Variants in PROS1 observed in about 807,000 individuals in gnomAD.
PROS1 encodes the protein protein S.
In PROS1, 29 loss-of-function variants were observed where a neutral mutation model predicts 75.9. The ratio of observed to expected loss-of-function variants is 0.38; its 90% CI spans 0.28 to 0.52. The LOEUF (loss-of-function observed/expected upper bound fraction) is 0.52. Ranked by LOEUF, PROS1 falls within the 20% of genes least tolerant of loss-of-function variation. The pLI, the probability that PROS1 is intolerant of heterozygous loss-of-function variation, is 0.83. For missense variants in PROS1, 680 were observed against 810.3 expected, an observed-to-expected ratio of 0.84 and a Z score of 1.95; for synonymous variants, 245 against 280.6, an observed-to-expected ratio of 0.87 and a Z score of 1.27.
intron 1 of PROS1, among the ~76,000 whole-genome samples, chr3:93,941,539 C>T (rs1709288256): frequency 6.6e-6 from 1 of 152,168 alleles, no homozygotes; most frequent in Non-Finnish European, 1.5e-5. Flanking sequence ...ATTTAGCTGA[C>T]CCCATAGATC....
rs190800072 is a variant in PROS1, at chr3:93,888,509, T to C, written c.1156-2006A>G. Among the ~76,000 whole-genome samples, 173 of 152,354 alleles carry C rather than the reference T, an allele frequency of 1.1e-3. 1 individual carries two copies. The highest frequency in any genetic ancestry group is 1.0e-4 in the Non-Finnish European group (7 of 68,028). On this transcript the variant is annotated intron_variant, in intron 10 of 14. Transcript: ENST00000394236. ...TTTATATTACTGATACATTTCATTA[T>C]AGAATAGTAAAGGAGCATTATATAT...
At chr3:93,947,209 T>A (rs1460828208) in intron 1 of PROS1, among the ~76,000 whole-genome samples, 1 of 152,172 alleles carries the variant, frequency 6.6e-6, no homozygotes, top group African/African-American at 2.4e-5. Flanking sequence ...AGGAACACTT[T>A]TACTCTGTTG....
At chr3:93,968,496 G>C (rs1476837141) in intron 1 of PROS1, among the ~76,000 whole-genome samples, 1 of 152,140 alleles carries the variant, frequency 6.6e-6, no homozygotes, top group African/African-American at 2.4e-5. Flanking sequence ...ACTTTCTGTT[G>C]TTTAAACCAC....
At chr3:93,874,911 C>G (rs1449400608) in intron 14 of PROS1, among the ~76,000 whole-genome samples, 3 of 152,032 alleles carry the variant, frequency 2.0e-5, no homozygotes, top group African/African-American at 7.2e-5. Flanking sequence ...TACAATAGGT[C>G]ATGATACAGG....
In PROS1 at chr3:93,893,032, A is replaced by C. The variant is rs199797185; in HGVS notation, c.1056T>G (p.Ile352Met). 3 of 1,614,000 alleles carry C rather than the reference A, an allele frequency of 1.9e-6. No individual in the cohort carries two copies. The African/African-American group carries it at 4.0e-5, about 22-fold the overall frequency. ...ESIDHSAWLL[I>M]ALRGGKIEVQ... Reference sequence around the variant, plus strand: ...CTTCAATCTTTCCACCACGAAGTGCAATCAGGAGCCACGCTGAGTGATCGA... The same window carrying C: ...CTTCAATCTTTCCACCACGAAGTGCCATCAGGAGCCACGCTGAGTGATCGA... The change falls in exon 10 of 15, where the codon ATT (isoleucine) becomes ATG (methionine). Residue 352 changes from isoleucine (I) to methionine (M), a missense_variant. Ile to Met is a conservative substitution (Grantham distance 10). Transcript: ENST00000394236.
chr3:93,901,225 T>G (rs1559934046), intron 6 of PROS1, among the ~76,000 whole-genome samples: 1 of 152,208 alleles, frequency 6.6e-6, no homozygotes, highest in African/African-American at 2.4e-5. Flanking sequence ...CGAAAATAAA[T>G]GGAGGTCTTG....
chr3:93,948,055 G>T (rs548914758), intron 1 of PROS1, among the ~76,000 whole-genome samples: 12 of 152,200 alleles, frequency 7.9e-5, no homozygotes, highest in Admixed American at 2.0e-4. Flanking sequence ...AAAAGCAAAA[G>T]AACCCATGCC....
At position 93,972,138 on chromosome 3, in the gene PROS1, TATG is replaced by T. The variant is rs1709890592; in HGVS notation, c.76+1533_76+1535del. On this transcript the variant is annotated intron_variant, in intron 1 of 14. Transcript: ENST00000394236. Reference sequence around the variant, plus strand: ...AAAGAGAAAAAGCCTAGCAAATTTCTATGATGACAAGGAGTTAAGTGTGGCAAG... The same window carrying T: ...AAAGAGAAAAAGCCTAGCAAATTTCTATGACAAGGAGTTAAGTGTGGCAAG... Among the ~76,000 whole-genome samples, 2 of 152,212 alleles carry T rather than the reference TATG, an allele frequency of 1.3e-5. 1 individual carries two copies. Among genetic ancestry groups the T allele is most frequent in the South Asian group, 4.1e-4 (2 of 4,832 alleles).
intron 10 of PROS1, among the ~76,000 whole-genome samples, chr3:93,890,689 A>C (rs962033053): frequency 6.6e-6 from 1 of 152,222 alleles, no homozygotes; most frequent in African/African-American, 2.4e-5. Flanking sequence ...TATAGTTCTA[A>C]TGCCTTGAAC....
intron 3 of PROS1, chr3:93,911,053 C>T (rs986558918): frequency 3.4e-5 from 10 of 291,918 alleles, no homozygotes; most frequent in African/African-American, 1.8e-4. Flanking sequence ...ATGTTGCCCT[C>T]AAATCTACTG....
intron 1 of PROS1, among the ~76,000 whole-genome samples, chr3:93,953,220 AT>A (rs1709535684): frequency 6.6e-6 from 1 of 152,216 alleles, no homozygotes; most frequent in African/African-American, 2.4e-5. Context: ...TCCCTAACTC[AT>A]TTTATGAGGC....
chr3:93,889,988 G>A (rs1455366108), intron 10 of PROS1, among the ~76,000 whole-genome samples: 12 of 152,068 alleles, frequency 7.9e-5, no homozygotes, highest in East Asian at 1.9e-4. Context: ...GCCTACAAAC[G>A]GACCTGCAAG....
intron 3 of PROS1, among the ~76,000 whole-genome samples, chr3:93,922,954 G>A (rs115692683): frequency 4.5e-4 from 68 of 152,256 alleles, no homozygotes; most frequent in African/African-American, 1.4e-3. Context: ...ATTTATGTAC[G>A]TTGACATATT....
chr3:93,956,620 T>C lies in PROS1; in HGVS notation c.76+17054A>G, dbSNP rs1193178255. On this transcript the variant is annotated intron_variant, in intron 1 of 14. Transcript: ENST00000394236. Reference sequence around the variant, plus strand: ...CAGAATTCTTTCAAGCCTCACAAGATAGTGGATACACAAGGGTACATTAAC... The same window carrying C: ...CAGAATTCTTTCAAGCCTCACAAGACAGTGGATACACAAGGGTACATTAAC... 3.3e-5 allele frequency among the ~76,000 whole-genome samples: 5 copies of C among 149,742 alleles called. No homozygotes were observed. The East Asian group carries it at 9.9e-4, about 30-fold the overall frequency.
intron 1 of PROS1, among the ~76,000 whole-genome samples, chr3:93,946,293 C>T (rs1249009697): frequency 3.3e-5 from 5 of 152,056 alleles, no homozygotes; most frequent in African/African-American, 1.2e-4. Flanking sequence ...TTCACAGAAT[C>T]AGAAGAAACT....
chr3:93,909,169 G>A (rs1224629356), intron 4 of PROS1, among the ~76,000 whole-genome samples: 2 of 152,170 alleles, frequency 1.3e-5, no homozygotes, highest in Non-Finnish European at 2.9e-5. Flanking sequence ...CTGGAATGGT[G>A]TTTCATGCCT....
At chr3:93,898,607 T>G in intron 7 of PROS1, 38 bp from the exon 8 acceptor site, 2 of 1,607,304 alleles carry the variant, frequency 1.2e-6, no homozygotes, top group Non-Finnish European at 1.7e-6. Context: ...AACTTTAATA[T>G]CCCCTAAATG....
At chr3:93,951,079 G>A (rs962774602) in intron 1 of PROS1, among the ~76,000 whole-genome samples, 1 of 152,192 alleles carries the variant, frequency 6.6e-6, no homozygotes, top group African/African-American at 2.4e-5. Flanking sequence ...AAGCCTCCAA[G>A]AAATATGGGA....
At chr3:93,973,402 G>A (rs1709911206) in intron 1 of PROS1, among the ~76,000 whole-genome samples, 1 of 152,184 alleles carries the variant, frequency 6.6e-6, no homozygotes, top group African/African-American at 2.4e-5. Flanking sequence ...ATGGGCAGGT[G>A]TTCTCATCCC....
Sources: gnomAD v4.1 joint callset for allele counts (sites outside exome capture counted in the v4.1 genomes callset) on GRCh38, gnomAD v4.1.1 for gene constraint, MANE v1.5 for transcripts, NCBI Gene and HGNC (gene_info 2026-07-23, HGNC 2026-07-21) for gene names.